SERGEF: variants seen among roughly 807,000 people sequenced by gnomAD.
The protein encoded by SERGEF is secretion regulating guanine nucleotide exchange factor, also known as secretion-regulating guanine nucleotide exchange factor.
SERGEF carries 51 observed loss-of-function variants against 50.0 expected under a neutral mutation model. The ratio of observed to expected loss-of-function variants is 1.02; its 90% CI spans 0.81 to 1.29. The LOEUF (loss-of-function observed/expected upper bound fraction) is 1.29, where lower values mean the gene tolerates loss of function less well. SERGEF is among the 50% of genes most tolerant of loss of function. SERGEF has a pLI of 0.00. For synonymous variants in SERGEF, 205 were observed against 212.4 expected (o/e 0.97, Z 0.30); for missense variants, 521 against 557.0 (o/e 0.94, Z 0.65).
chr11:18,012,132 A>G (rs1337742379), intron 1 of SERGEF, among the ~76,000 whole-genome samples: 1 of 152,224 alleles, frequency 6.6e-6, no homozygotes. Context: ...ACAATGTGCC[A>G]GACACCAAGA....
intron 9 of SERGEF, among the ~76,000 whole-genome samples, chr11:17,926,194 A>C (rs763186498): frequency 3.9e-5 from 6 of 151,902 alleles, no homozygotes; most frequent in Non-Finnish European, 7.4e-5. Flanking sequence ...CAATTGGGGC[A>C]TTAGTCACTT....
chr11:17,859,053 C>T (rs1247668770), intron 10 of SERGEF, among the ~76,000 whole-genome samples: 5 of 152,138 alleles, frequency 3.3e-5, no homozygotes, highest in African/African-American at 1.2e-4. Context: ...AGGCCATCCT[C>T]CCTAGGGATA....
intron 8 of SERGEF, among the ~76,000 whole-genome samples, chr11:17,963,280 G>A (rs1250860470): frequency 6.8e-6 from 1 of 146,750 alleles, no homozygotes; most frequent in Non-Finnish European, 1.5e-5. Context: ...GCCAGGCTGG[G>A]GCCAGCCACA....
chr11:17,941,292 G>T (rs189666881), intron 9 of SERGEF, among the ~76,000 whole-genome samples: 2 of 152,082 alleles, frequency 1.3e-5, no homozygotes, highest in South Asian at 2.1e-4. Flanking sequence ...AAGTATATTC[G>T]CATTGTTCTA....
chr11:17,882,432 A>AAG (rs1403477478), intron 9 of SERGEF, among the ~76,000 whole-genome samples: 1 of 143,746 alleles, frequency 7.0e-6, no homozygotes, highest in South Asian at 2.1e-4. Flanking sequence ...AAAAAAAAAA[A>AAG]AAAAGAAAAA....
intron 10 of SERGEF, among the ~76,000 whole-genome samples, chr11:17,841,822 G>A (rs780217733): frequency 2.0e-5 from 3 of 152,024 alleles, no homozygotes; most frequent in Admixed American, 6.6e-5. Context: ...CTTTGAAAGC[G>A]CTAAGCTGCC....
intron 1 of SERGEF, 72 bp downstream of exon 1, chr11:18,012,879 C>A: frequency 2.0e-6 from 3 of 1,529,086 alleles, no homozygotes; most frequent in Non-Finnish European, 2.6e-6. Flanking sequence ...GAACTGCCCA[C>A]GCCGCGGCCA....
At chr11:17,877,005 C>T (rs957123389) in intron 10 of SERGEF, among the ~76,000 whole-genome samples, 1 of 152,242 alleles carries the variant, frequency 6.6e-6, no homozygotes, top group Non-Finnish European at 1.5e-5. Flanking sequence ...CCTCTTTGTA[C>T]ATCATGTTTG....
intron 9 of SERGEF, among the ~76,000 whole-genome samples, chr11:17,916,771 A>C (rs1565204038): frequency 6.6e-6 from 1 of 152,244 alleles, no homozygotes. Context: ...TACAAGCTAA[A>C]AGGCAGAGAA....
At chr11:17,899,856 T>G (rs980990136) in intron 9 of SERGEF, among the ~76,000 whole-genome samples, 1 of 150,876 alleles carries the variant, frequency 6.6e-6, no homozygotes, top group Non-Finnish European at 1.5e-5. Context: ...CTCAGGAGGC[T>G]GAGGTGGGAG....
chr11:17,914,650 T>A (rs1160886414), intron 9 of SERGEF, among the ~76,000 whole-genome samples: 5 of 152,224 alleles, frequency 3.3e-5, no homozygotes, highest in Admixed American at 2.6e-4. Context: ...GTATTTCTAA[T>A]ATGCAACCAT....
At chr11:18,004,060 G>T (rs1295569666) in intron 4 of SERGEF, among the ~76,000 whole-genome samples, 1 of 146,672 alleles carries the variant, frequency 6.8e-6, no homozygotes, top group Non-Finnish European at 1.5e-5. Flanking sequence ...TATTTCTACT[G>T]GCTAGCACTG....
rs537150157 is a variant in SERGEF at position 17,957,739 on chromosome 11, A to G, written c.1011+1731T>C. Among the ~76,000 whole-genome samples the G allele has an allele frequency of 9.7e-4, 88 of 90,708 alleles. 1 individual carries two copies. Among genetic ancestry groups the G allele is most frequent in the East Asian group, 9.0e-3 (41 of 4,568 alleles). The allele number at this position is 90,708 out of a possible 152,430, so 59.5% of individuals were successfully genotyped here. On this transcript the variant is annotated intron_variant, in intron 9 of 10. Transcript: ENST00000265965. ...TCAACAGAGATTCACTAGTGGTGGG[A>G]AAAAAAAAAAAAAAGGATGATCTAA...
chr11:17,822,814 G>C (rs1850108583), intron 10 of SERGEF, among the ~76,000 whole-genome samples: 2 of 152,188 alleles, frequency 1.3e-5, no homozygotes, highest in Admixed American at 1.3e-4. Flanking sequence ...GTGAGGAGGA[G>C]CACAGAGATT....
At chr11:17,844,176 C>A (rs2133865222) in intron 10 of SERGEF, among the ~76,000 whole-genome samples, 1 of 152,268 alleles carries the variant, frequency 6.6e-6, no homozygotes, top group South Asian at 2.1e-4. Flanking sequence ...ATACTTCAGA[C>A]TCAGGTATCC....
At chr11:17,922,792 A>C (rs1852183265) in intron 9 of SERGEF, among the ~76,000 whole-genome samples, 1 of 152,184 alleles carries the variant, frequency 6.6e-6, no homozygotes, top group Non-Finnish European at 1.5e-5. Flanking sequence ...TAAATAACAT[A>C]CCATGCACCT....
chr11:17,936,091 A>G (rs1020623701), intron 9 of SERGEF, among the ~76,000 whole-genome samples: 1 of 152,210 alleles, frequency 6.6e-6, no homozygotes, highest in Admixed American at 6.5e-5. Flanking sequence ...TATTCTTTTA[A>G]TAGCATCCAA....
intron 8 of SERGEF, among the ~76,000 whole-genome samples, chr11:17,974,998 G>A (rs993489581): frequency 5.3e-5 from 8 of 152,214 alleles, no homozygotes; most frequent in Non-Finnish European, 1.0e-4. Flanking sequence ...TCAGGAATGA[G>A]TGGCCCAAAC....
intron 9 of SERGEF, among the ~76,000 whole-genome samples, chr11:17,926,359 A>G (rs1343424634): frequency 6.6e-6 from 1 of 152,106 alleles, no homozygotes; most frequent in Non-Finnish European, 1.5e-5. Flanking sequence ...CCACAACCAC[A>G]GAAGAAGACA....
Sources: allele counts gnomAD v4.1 joint callset (sites outside exome capture counted in the v4.1 genomes callset), GRCh38; gene constraint gnomAD v4.1.1; transcripts MANE v1.5; gene names NCBI Gene and HGNC (gene_info 2026-07-23, HGNC 2026-07-21).